The following RELN variants were observed in gnomAD, a reference collection of about 807,000 sequenced individuals.
RELN encodes the protein reelin.
RELN carries 108 observed loss-of-function variants against 427.6 expected under a neutral mutation model. That is an observed-to-expected ratio of 0.25 (90% CI 0.22 to 0.30). The LOEUF (loss-of-function observed/expected upper bound fraction) is 0.30. RELN is among the 10% of genes least tolerant of loss of function. The pLI, the probability that RELN is intolerant of heterozygous loss-of-function variation, is 1.00. For missense variants in RELN, 3,715 were observed against 4,302.8 expected (o/e 0.86, Z 3.82); for synonymous variants, 1,524 against 1,513.4 (o/e 1.01, Z -0.16).
At chr7:103,612,361 C>T (rs965973693) in intron 20 of RELN, among the ~76,000 whole-genome samples, 2 of 151,412 alleles carry the variant, frequency 1.3e-5, no homozygotes, top group African/African-American at 4.9e-5. Context: ...CCGCAACCTC[C>T]GCCCCCCTGG....
chr7:103,556,122 TTTAAC>T (rs1830514412), intron 38 of RELN, among the ~76,000 whole-genome samples: 3 of 152,358 alleles, frequency 2.0e-5, no homozygotes, highest in Admixed American at 2.0e-4. Context: ...ATACATTCAC[TTTAAC>T]TTATCACTGA....
At position 103,856,127 on chromosome 7, in the gene RELN, C is replaced by T. The variant is rs981878217; in HGVS notation, c.338-22455G>A. On this transcript the variant is annotated intron_variant, in intron 2 of 64. Coordinates refer to ENST00000428762, the MANE Select transcript of RELN (RefSeq NM_005045.4). ...AGAAGGGCTATTCCTTATGAAGATG[C>T]TATCAAATAAGGATAACTCATTTCC... Among the ~76,000 whole-genome samples the T allele has an allele frequency of 1.3e-4, 20 of 152,236 alleles. 1 individual carries two copies. Among genetic ancestry groups the T allele is most frequent in the Admixed American group, 5.9e-4 (9 of 15,278 alleles).
intron 11 of RELN, among the ~76,000 whole-genome samples, chr7:103,673,882 A>G (rs1833449648): frequency 6.6e-6 from 1 of 151,946 alleles, no homozygotes; most frequent in Non-Finnish European, 1.5e-5. Context: ...TCATCTTGCT[A>G]AACACTTTCA....
intron 31 of RELN, among the ~76,000 whole-genome samples, chr7:103,570,786 G>A (rs1830865020): frequency 6.6e-6 from 1 of 152,214 alleles, no homozygotes; most frequent in African/African-American, 2.4e-5. Context: ...TGAAGAAAAT[G>A]TAGCACAGGG....
At chr7:103,477,249 T>G (rs1452631418) in intron 64 of RELN, among the ~76,000 whole-genome samples, 1 of 152,224 alleles carries the variant, frequency 6.6e-6, no homozygotes, top group East Asian at 1.9e-4. Context: ...TCTTTTGAAC[T>G]GTTACTCTTT....
At chr7:103,628,881 C>T (rs1053670959) in intron 20 of RELN, among the ~76,000 whole-genome samples, 3 of 152,246 alleles carry the variant, frequency 2.0e-5, no homozygotes, top group African/African-American at 7.2e-5. Context: ...TGTTTAAGTC[C>T]AGGATCTCTG....
chr7:103,955,751 T>C (rs1282243155), intron 1 of RELN, among the ~76,000 whole-genome samples: 1 of 152,186 alleles, frequency 6.6e-6, no homozygotes, highest in Non-Finnish European at 1.5e-5. Context: ...AGAAACTCCA[T>C]GTGAAACAGC....
intron 6 of RELN, among the ~76,000 whole-genome samples, chr7:103,746,397 A>C (rs1164996957): frequency 6.6e-6 from 1 of 152,198 alleles, no homozygotes; most frequent in Non-Finnish European, 1.5e-5. Context: ...CAATGGCAAC[A>C]AAAGTCAAAA....
intron 1 of RELN, among the ~76,000 whole-genome samples, chr7:103,961,898 GAGTTTTCC>G (rs1266860367): frequency 1.3e-5 from 2 of 152,130 alleles, no homozygotes; most frequent in African/African-American, 4.8e-5. Flanking sequence ...TTTAAATTCA[GAGTTTTCC>G]AAACTCCATT....
At chr7:103,970,853 C>A (rs1331923370) in intron 1 of RELN, among the ~76,000 whole-genome samples, 2 of 152,086 alleles carry the variant, frequency 1.3e-5, no homozygotes, top group Non-Finnish European at 2.9e-5. Context: ...TGAATCAACT[C>A]TTTTTTTAAA....
At chr7:103,878,409 G>A (rs1309852886) in intron 2 of RELN, among the ~76,000 whole-genome samples, 1 of 152,054 alleles carries the variant, frequency 6.6e-6, no homozygotes, top group African/African-American at 2.4e-5. Context: ...TCAATTATTG[G>A]TGTTTATCTC....
chr7:103,932,989 G>A (rs6950645), intron 1 of RELN, among the ~76,000 whole-genome samples: 115,018 of 152,028 alleles, frequency 0.76, 43,761 homozygotes, highest in East Asian at 0.88. Context: ...GCTACAGGCA[G>A]AAGTGTGTTG....
intron 6 of RELN, among the ~76,000 whole-genome samples, chr7:103,742,061 G>C (rs1790677858): frequency 6.6e-6 from 1 of 152,124 alleles, no homozygotes; most frequent in Non-Finnish European, 1.5e-5. Flanking sequence ...ACTCCTCTGA[G>C]ACAAAACTTC....
intron 1 of RELN, among the ~76,000 whole-genome samples, chr7:103,955,926 G>A (rs1796423347): frequency 6.6e-6 from 1 of 152,186 alleles, no homozygotes; most frequent in Admixed American, 6.5e-5. Flanking sequence ...GTATGTATCA[G>A]ATCGGGATAG....
At chr7:103,714,532 T>C (rs1180096139) in intron 8 of RELN, among the ~76,000 whole-genome samples, 8 of 152,198 alleles carry the variant, frequency 5.3e-5, no homozygotes, top group African/African-American at 1.7e-4. Flanking sequence ...TCCGCTGCTG[T>C]CCCTGACGTC....
intron 8 of RELN, among the ~76,000 whole-genome samples, chr7:103,709,224 C>T (rs1278042830): frequency 1.3e-5 from 2 of 152,184 alleles, no homozygotes; most frequent in Non-Finnish European, 2.9e-5. Context: ...CACACTGATG[C>T]TCTTCTAGGA....
intron 2 of RELN, among the ~76,000 whole-genome samples, chr7:103,847,670 T>G (rs1005323013): frequency 1.3e-5 from 2 of 152,118 alleles, no homozygotes; most frequent in African/African-American, 4.8e-5. Context: ...ATATTGGAGG[T>G]AGCTTTTAGG....
At chr7:103,560,060 A>G (rs1393600758) in intron 36 of RELN, among the ~76,000 whole-genome samples, 2 of 152,158 alleles carry the variant, frequency 1.3e-5, no homozygotes, top group Admixed American at 1.3e-4. Context: ...TATTTGTAAT[A>G]TTTGTTTATA....
At chr7:103,489,409 T>C (rs73714409) in intron 60 of RELN, among the ~76,000 whole-genome samples, 9,945 of 152,102 alleles carry the variant, frequency 0.065, 489 homozygotes, top group East Asian at 0.16. Context: ...GTTGGGGCTG[T>C]GGGCAGGGGC....
Sources: allele counts gnomAD v4.1 joint callset (sites outside exome capture counted in the v4.1 genomes callset), GRCh38; gene constraint gnomAD v4.1.1; transcripts MANE v1.5; gene names NCBI Gene and HGNC (gene_info 2026-07-23, HGNC 2026-07-21).